The following ODR4 variants were observed in gnomAD, a reference collection of about 807,000 sequenced individuals.
The protein encoded by ODR4 is odr-4 GPCR localization factor homolog.
A neutral mutation model predicts 60.2 loss-of-function variants in ODR4; 47 were observed. That is an observed-to-expected ratio of 0.78 (90% CI 0.62 to 1.00). The LOEUF (loss-of-function observed/expected upper bound fraction) is 1.00. Ranked by LOEUF, ODR4 falls within the 50% of genes least tolerant of loss-of-function variation. ODR4 has a pLI of 0.00. For missense variants in ODR4, 488 were observed against 530.8 expected, an observed-to-expected ratio of 0.92 and a Z score of 0.79; for synonymous variants, 178 against 175.5, an observed-to-expected ratio of 1.01 and a Z score of -0.11.
At chr1:186,379,733 C>A in intron 1 of ODR4, 34 bp from the exon 2 acceptor site, 1 of 1,137,020 alleles carries the variant, frequency 8.8e-7, no homozygotes, top group Non-Finnish European at 1.3e-6. Context: ...TGATATTTTA[C>A]CTAAATGCTG....
the ODR4 span, among the ~76,000 whole-genome samples, chr1:186,427,484 CTTCTAA>C: frequency 5.3e-3 from 788 of 148,348 alleles, 3 homozygotes; most frequent in Admixed American, 8.4e-3. Context: ...TTAGGCTCCA[CTTCTAA>C]TTCTAGTTCT....
chr1:186,432,795 T>G, the ODR4 span, among the ~76,000 whole-genome samples: 1 of 151,934 alleles, frequency 6.6e-6, no homozygotes, highest in African/African-American at 2.4e-5. Context: ...ATTTTTTTTT[T>G]TTTTTCTTGA....
At chr1:186,428,798 G>C in the ODR4 span, among the ~76,000 whole-genome samples, 1 of 152,154 alleles carries the variant, frequency 6.6e-6, no homozygotes, top group Non-Finnish European at 1.5e-5. Flanking sequence ...AATAGGGATA[G>C]GGAGAAAGAC....
At chr1:186,417,713 T>C in intron 13 of ODR4, 59 bp downstream of exon 13, 1 of 905,494 alleles carries the variant, frequency 1.1e-6, no homozygotes. Context: ...AGTTTTCTTG[T>C]TACTTTAAGA....
chr1:186,409,003 TAACA>T (rs1171248930), intron 12 of ODR4, among the ~76,000 whole-genome samples: 3 of 136,038 alleles, frequency 2.2e-5, no homozygotes, highest in Non-Finnish European at 5.0e-5. Flanking sequence ...GTTAATATTT[TAACA>T]AACAGTTAGT....
At chr1:186,414,785 G>A (rs960265292) in intron 12 of ODR4, among the ~76,000 whole-genome samples, 2 of 152,096 alleles carry the variant, frequency 1.3e-5, no homozygotes, top group Non-Finnish European at 2.9e-5. Context: ...CTCCCAAAGT[G>A]CTGGGATTAC....
chr1:186,393,894 T>TTTA, intron 8 of ODR4, 53 bp from the exon 9 acceptor site: 2 of 956,438 alleles, frequency 2.1e-6, no homozygotes, highest in Non-Finnish European at 3.2e-6. Flanking sequence ...TAAGTTGTCT[T>TTTA]TTATGTTTTA....
intron 1 of ODR4, among the ~76,000 whole-genome samples, chr1:186,378,939 G>A (rs2102009542): frequency 6.6e-6 from 1 of 152,342 alleles, no homozygotes; most frequent in African/African-American, 2.4e-5. Context: ...GACAGAGATT[G>A]TGTTGCTCAT....
At chr1:186,385,907 A>G in intron 3 of ODR4, 81 bp from the exon 4 acceptor site, 1 of 832,468 alleles carries the variant, frequency 1.2e-6, no homozygotes, top group Non-Finnish European at 1.9e-6. Flanking sequence ...AGCTAAGGAC[A>G]TGCTAAGCAG....
chr1:186,405,383 A>G (rs1446166305), intron 11 of ODR4, among the ~76,000 whole-genome samples: 2 of 152,180 alleles, frequency 1.3e-5, no homozygotes, highest in African/African-American at 4.8e-5. Context: ...TGAAGAAGAG[A>G]AAAACCAACT....
At chr1:186,421,980 G>A (rs940194145), downstream of ODR4, among the ~76,000 whole-genome samples, 4 of 151,752 alleles carry the variant, frequency 2.6e-5, no homozygotes, top group Non-Finnish European at 5.9e-5. Context: ...GGCGGGTGGG[G>A]GGTGAAGTTA....
At chr1:186,409,579 T>C (rs142874149) in intron 12 of ODR4, among the ~76,000 whole-genome samples, 150 of 152,364 alleles carry the variant, frequency 9.8e-4, no homozygotes, top group Non-Finnish European at 1.8e-3. Context: ...GGAGTCTCGC[T>C]CTGTCTCCCA....
chr1:186,398,861 A>T, intron 10 of ODR4, 93 bp from the exon 11 acceptor site: 3 of 855,570 alleles, frequency 3.5e-6, no homozygotes, highest in South Asian at 1.8e-5. Context: ...GCATGATTGT[A>T]CTGGAAAGCA....
rs750592224 is a variant in ODR4 at position 186,390,731 on chromosome 1, T to C, written c.495T>C (p.Asp165=). 5 of 1,613,454 alleles carry C rather than the reference T, an allele frequency of 3.1e-6. No individual in the cohort carries two copies. Among genetic ancestry groups the C allele is most frequent in the Non-Finnish European group, 4.2e-6 (5 of 1,179,656 alleles). The change falls in exon 7 of 14, where the codon GAT becomes GAC. Residue 165 remains aspartate (D), a synonymous_variant. Coordinates refer to ENST00000287859, the MANE Select transcript of ODR4 (RefSeq NM_017847.6). ...GCTAGAGTTCAGCAAGACCAGCAGA[T>C]TGGAAGTATCAAAGTGGATTATCAT... ...HDPKSSARPA[D]WKYQSGLSSS... is the part of the protein sequence containing the mutation.
chr1:186,433,411 G>T, the ODR4 span, among the ~76,000 whole-genome samples: 5 of 151,688 alleles, frequency 3.3e-5, no homozygotes, highest in Non-Finnish European at 5.9e-5. Flanking sequence ...ATTATTAATA[G>T]CAAATACATA....
rs534992995 is a variant in ODR4 at position 186,419,412 on chromosome 1, C to T, written c.*336C>T. The T allele has an allele frequency of 3.8e-6, 1 of 263,376 alleles. No homozygotes were observed. Among genetic ancestry groups the T allele is most frequent in the East Asian group, 9.1e-5 (1 of 11,048 alleles). 16.3% of individuals were successfully genotyped at this position (263,376 alleles called of 1,614,324 possible). ...AATCTGAATCACATATTAATCAGGA[C>T]ATTAAAAACTTTAACAGAGGCATGA... On this transcript the variant is annotated 3_prime_UTR_variant, in exon 14 of 14. Transcript: ENST00000287859.
At chr1:186,379,546 T>G (rs79080293) in intron 1 of ODR4, among the ~76,000 whole-genome samples, 21,343 of 151,946 alleles carry the variant, frequency 0.14, 1,603 homozygotes, top group Non-Finnish European at 0.16. Context: ...TCATGTCAAC[T>G]CTGGTTGATT....
chr1:186,415,458 C>T (rs1435789976), intron 12 of ODR4, among the ~76,000 whole-genome samples: 4 of 152,084 alleles, frequency 2.6e-5, no homozygotes, highest in African/African-American at 7.2e-5. Context: ...TTCTCTCTCT[C>T]TTTTTTGTGG....
At chr1:186,380,344 G>T (rs972014095) in intron 2 of ODR4, among the ~76,000 whole-genome samples, 2 of 152,024 alleles carry the variant, frequency 1.3e-5, no homozygotes, top group Non-Finnish European at 2.9e-5. Context: ...GTAAGCTATA[G>T]TACCCATCTT....
Sources: gnomAD v4.1 joint callset for allele counts (sites outside exome capture counted in the v4.1 genomes callset) on GRCh38, gnomAD v4.1.1 for gene constraint, MANE v1.5 for transcripts, NCBI Gene and HGNC (gene_info 2026-07-23, HGNC 2026-07-21) for gene names.